Variants in ASCC3 observed in about 807,000 individuals in gnomAD.
ASCC3 encodes activating signal cointegrator 1 complex subunit 3.
In ASCC3, 158 loss-of-function variants were observed where a neutral mutation model predicts 256.3. That is an observed-to-expected ratio of 0.62 (90% CI 0.54 to 0.70). The LOEUF is 0.70. Among genes scored for constraint, ASCC3 ranks in the 30% least tolerant of loss-of-function variants. ASCC3 has a pLI of 0.00. For synonymous variants in ASCC3, 948 were observed against 883.4 expected, an observed-to-expected ratio of 1.07 and a Z score of -1.30; for missense variants, 2,259 against 2,626.0, an observed-to-expected ratio of 0.86 and a Z score of 3.05.
At chr6:100,687,034 T>TCACACACACACACA (rs71028030) in intron 13 of ASCC3, among the ~76,000 whole-genome samples, 13 of 130,666 alleles carry the variant, frequency 9.9e-5, no homozygotes, top group South Asian at 2.8e-4. Flanking sequence ...TCTCTCTCTC[T>TCACACACACACACA]CACACACACA....
At chr6:100,765,526 C>T (rs935949430) in intron 10 of ASCC3, among the ~76,000 whole-genome samples, 2 of 152,188 alleles carry the variant, frequency 1.3e-5, no homozygotes, top group African/African-American at 4.8e-5. Context: ...AAAATCTATA[C>T]ATCTACCTGT....
intron 10 of ASCC3, among the ~76,000 whole-genome samples, chr6:100,763,754 C>T (rs1210061336): frequency 3.3e-5 from 5 of 152,156 alleles, no homozygotes; most frequent in African/African-American, 4.8e-5. Flanking sequence ...TGCTTCAAGC[C>T]TTTGTCATTA....
intron 2 of ASCC3, among the ~76,000 whole-genome samples, chr6:100,865,273 T>G (rs917327289): frequency 4.6e-5 from 7 of 152,128 alleles, no homozygotes; most frequent in Non-Finnish European, 5.9e-5. Context: ...AAAATGAAGC[T>G]CATCATTATA....
intron 8 of ASCC3, among the ~76,000 whole-genome samples, chr6:100,776,446 T>C (rs1330354340): frequency 9.2e-5 from 14 of 152,098 alleles, no homozygotes; most frequent in Non-Finnish European, 1.8e-4. Flanking sequence ...ACATCCACTT[T>C]ATACATATTT....
In ASCC3 at chr6:100,642,519, A is replaced by T. The variant is rs375514276; in HGVS notation, c.3901+62T>A. ...TTTATTACGGTGTAGACATTTTTCA[A>T]CATTAATTAAAACAACCATTTTGGA... On this transcript the variant is annotated intron_variant, in intron 24 of 41. Coordinates refer to ENST00000369162, the MANE Select transcript of ASCC3 (RefSeq NM_006828.4). 6 of 1,551,274 alleles carry T rather than the reference A, an allele frequency of 3.9e-6. No individual in the cohort carries two copies. The East Asian group carries it at 1.1e-4, about 29-fold the overall frequency.
At chr6:100,876,465 G>T (rs1163006812) in intron 1 of ASCC3, among the ~76,000 whole-genome samples, 1 of 152,162 alleles carries the variant, frequency 6.6e-6, no homozygotes, top group African/African-American at 2.4e-5. Flanking sequence ...CAGGGTTAAG[G>T]TTTTGTAACA....
intron 16 of ASCC3, 124 bp downstream of exon 16, chr6:100,661,682 T>C: frequency 1.1e-6 from 1 of 936,474 alleles, no homozygotes; most frequent in Non-Finnish European, 1.7e-6. Flanking sequence ...TTTTGTCTTA[T>C]AACTTATATG....
intron 36 of ASCC3, among the ~76,000 whole-genome samples, chr6:100,543,714 A>G (rs1432346562): frequency 6.6e-6 from 1 of 152,114 alleles, no homozygotes; most frequent in East Asian, 1.9e-4. Flanking sequence ...CCATGAAAAA[A>G]AACTTGTAGA....
intron 1 of ASCC3, among the ~76,000 whole-genome samples, chr6:100,878,902 T>C (rs187825428): frequency 6.2e-4 from 95 of 152,338 alleles, no homozygotes; most frequent in Non-Finnish European, 5.9e-5. Flanking sequence ...TTTCTGACAC[T>C]ATCTAGAGAT....
At chr6:100,669,462 A>G (rs1776636469) in intron 14 of ASCC3, among the ~76,000 whole-genome samples, 2 of 151,460 alleles carry the variant, frequency 1.3e-5, no homozygotes, top group Admixed American at 1.3e-4. Flanking sequence ...TTCAAGAAAT[A>G]ATAGATTTAA....
At chr6:100,757,632 G>C (rs1162408740) in intron 10 of ASCC3, among the ~76,000 whole-genome samples, 1 of 152,098 alleles carries the variant, frequency 6.6e-6, no homozygotes, top group African/African-American at 2.4e-5. Context: ...AGTCTATATG[G>C]CTGAACAAGA....
chr6:100,666,294 C>CT (rs1776473528), intron 14 of ASCC3, among the ~76,000 whole-genome samples: 1 of 152,060 alleles, frequency 6.6e-6, no homozygotes, highest in Non-Finnish European at 1.5e-5. Flanking sequence ...TTCATGTACA[C>CT]TTTTTTGTAT....
At chr6:100,591,781 T>C (rs1772009809) in intron 34 of ASCC3, among the ~76,000 whole-genome samples, 1 of 151,994 alleles carries the variant, frequency 6.6e-6, no homozygotes, top group African/African-American at 2.4e-5. Context: ...TGAAAACTAA[T>C]GGATCCTGTT....
intron 37 of ASCC3, among the ~76,000 whole-genome samples, chr6:100,535,142 G>A (rs1367791075): frequency 6.6e-6 from 1 of 152,154 alleles, no homozygotes; most frequent in Non-Finnish European, 1.5e-5. Flanking sequence ...GGCAGCAGAG[G>A]AGAATTTACA....
chr6:100,740,429 T>A (rs1338821424), intron 10 of ASCC3, among the ~76,000 whole-genome samples: 1 of 152,164 alleles, frequency 6.6e-6, no homozygotes, highest in Non-Finnish European at 1.5e-5. Flanking sequence ...GGTGGAGAGT[T>A]CTGTAGATAT....
At chr6:100,692,334 C>T (rs1020580693) in intron 13 of ASCC3, among the ~76,000 whole-genome samples, 14 of 151,982 alleles carry the variant, frequency 9.2e-5, no homozygotes, top group East Asian at 1.9e-4. Context: ...AAAAAGTATA[C>T]GTTCAAGCAA....
chr6:100,640,142 A>G (rs1234973191), intron 24 of ASCC3, among the ~76,000 whole-genome samples: 1 of 152,134 alleles, frequency 6.6e-6, no homozygotes, highest in African/African-American at 2.4e-5. Flanking sequence ...AATAAAAAAT[A>G]ATAGAGAAGG....
chr6:100,803,917 T>C (rs1198162554), intron 5 of ASCC3, among the ~76,000 whole-genome samples: 1 of 152,134 alleles, frequency 6.6e-6, no homozygotes, highest in African/African-American at 2.4e-5. Context: ...ATATACTTTT[T>C]TAAAATCCAA....
intron 10 of ASCC3, among the ~76,000 whole-genome samples, chr6:100,733,781 T>C (rs1292457218): frequency 4.6e-5 from 7 of 152,190 alleles, no homozygotes; most frequent in African/African-American, 1.7e-4. Flanking sequence ...ATTTTGTTCG[T>C]TATTTCTTAA....
Sources: allele counts gnomAD v4.1 joint callset (sites outside exome capture counted in the v4.1 genomes callset), GRCh38; gene constraint gnomAD v4.1.1; transcripts MANE v1.5; gene names NCBI Gene and HGNC (gene_info 2026-07-23, HGNC 2026-07-21).